Variants in DROSHA observed in about 807,000 individuals in gnomAD.
The protein encoded by DROSHA is ribonuclease 3.
Under a neutral mutation model 181.9 loss-of-function variants are expected in DROSHA, and 56 were observed. That is an observed-to-expected ratio of 0.31 (90% CI 0.25 to 0.38). The LOEUF is 0.38. DROSHA is among the 10% of genes least tolerant of loss of function. The pLI is 1.00. For synonymous variants in DROSHA, 524 were observed against 591.2 expected (o/e 0.89, Z 1.65); for missense variants, 1,218 against 1,743.5 (o/e 0.70, Z 5.37).
rs1483283058 is a variant in DROSHA at position 31,484,876 on chromosome 5, C to T, written c.1996+5G>A. Reference sequence around the variant, plus strand: ...CTACTCTCTTCTTTAAATCCTATTACTTACCTTTAAGATTCCAGTCATATA... The same window carrying T: ...CTACTCTCTTCTTTAAATCCTATTATTTACCTTTAAGATTCCAGTCATATA... On this transcript the variant is annotated splice_donor_5th_base_variant and intron_variant, in intron 15 of 35. Coordinates refer to ENST00000344624, the MANE Select transcript of DROSHA (RefSeq NM_001382508.1). The T allele has an allele frequency of 6.6e-7, 1 of 1,525,584 alleles. No individual in the cohort carries two copies. Among genetic ancestry groups the T allele is most frequent in the African/African-American group, 1.4e-5 (1 of 72,374 alleles). The allele number at this position is 1,525,584 out of a possible 1,614,324, so 94.5% of individuals were successfully genotyped here. A position where few individuals can be genotyped will look rare whatever the true frequency, so the allele number is the denominator to read the frequency against.
chr5:31,441,866 T>G (rs1745635405), intron 23 of DROSHA, among the ~76,000 whole-genome samples: 1 of 152,196 alleles, frequency 6.6e-6, no homozygotes, highest in Non-Finnish European at 1.5e-5. Flanking sequence ...TGCAAAGTAC[T>G]ATACAGAAAA....
intron 23 of DROSHA, among the ~76,000 whole-genome samples, chr5:31,442,999 G>C (rs1745787109): frequency 6.6e-6 from 1 of 151,560 alleles, no homozygotes; most frequent in Admixed American, 6.6e-5. Context: ...TAAATATAGA[G>C]ACATTAACAA....
Position 31,495,319 on chromosome 5 carries a change from G to A in DROSHA, c.1722C>T (p.Tyr574=). 1 of 1,613,878 alleles carries A rather than the reference G, an allele frequency of 6.2e-7. No homozygotes were observed. Among genetic ancestry groups the A allele is most frequent in the Non-Finnish European group, 8.5e-7 (1 of 1,179,826 alleles). ...MTNNAGRLFH[Y]RITVSPPTNF... ...TCGTAGGCGGGGAGACTGTGATCCG[G>A]TAGTGGAAAAGTCTGCCAGCATTGT... Residue 574 remains tyrosine (Y), a synonymous_variant, in exon 12 of 36, where the codon TAC becomes TAT. Coordinates refer to ENST00000344624, the MANE Select transcript of DROSHA (RefSeq NM_001382508.1).
At chr5:31,465,084 C>T (rs1275078428) in intron 19 of DROSHA, among the ~76,000 whole-genome samples, 4 of 152,024 alleles carry the variant, frequency 2.6e-5, no homozygotes, top group South Asian at 2.1e-4. Flanking sequence ...AACGGAGGAA[C>T]ACTTCAGTCA....
intron 20 of DROSHA, among the ~76,000 whole-genome samples, chr5:31,456,816 C>CAGT (rs1411999336): frequency 3.3e-5 from 5 of 152,046 alleles, no homozygotes; most frequent in Non-Finnish European, 7.4e-5. Flanking sequence ...TGCTGGAGTA[C>CAGT]AGTAGTACAA....
intron 33 of DROSHA, among the ~76,000 whole-genome samples, chr5:31,407,469 G>A (rs966843815): frequency 3.9e-5 from 6 of 152,116 alleles, no homozygotes; most frequent in African/African-American, 1.4e-4. Context: ...TCACTTGAAA[G>A]GTACGCTATA....
intron 20 of DROSHA, among the ~76,000 whole-genome samples, chr5:31,461,078 G>A (rs1190980936): frequency 6.6e-6 from 1 of 152,076 alleles, no homozygotes; most frequent in Non-Finnish European, 1.5e-5. Flanking sequence ...ATTTATTAAG[G>A]ACGTAAAAAG....
Position 31,470,706 on chromosome 5 carries a change from G to T in DROSHA, c.2241+1357C>A, listed in dbSNP as rs1386967469. Among the ~76,000 whole-genome samples, 1 of 151,432 alleles carries T rather than the reference G, an allele frequency of 6.6e-6. No homozygotes were observed. Among genetic ancestry groups the T allele is most frequent in the Non-Finnish European group, 1.5e-5 (1 of 67,872 alleles). On this transcript the variant is annotated intron_variant, in intron 17 of 35. Coordinates refer to ENST00000344624, the MANE Select transcript of DROSHA (RefSeq NM_001382508.1). This position sits in a 1 kb window ranked among gnomAD's most constrained non-coding sequence, Gnocchi z 4.0. ...TATCCTTAAGCCAGGGTATCCTTAA[G>T]TTTTTTTTTAAACTCTCCAGCTGAT... is the stretch of plus-strand genomic sequence containing the variant.
intron 23 of DROSHA, among the ~76,000 whole-genome samples, chr5:31,439,191 C>T (rs779745116): frequency 6.6e-6 from 1 of 152,158 alleles, no homozygotes; most frequent in Non-Finnish European, 1.5e-5. Context: ...CCCTGGCCAA[C>T]CACAATCTAA....
At chr5:31,454,963 T>A (rs74695070) in intron 20 of DROSHA, among the ~76,000 whole-genome samples, 1 of 133,986 alleles carries the variant, frequency 7.5e-6, no homozygotes, top group African/African-American at 2.8e-5. Context: ...AAAAAAAAAT[T>A]CCAGAGAAAC....
At chr5:31,499,328 G>C (rs1369965659) in intron 11 of DROSHA, among the ~76,000 whole-genome samples, 1 of 152,158 alleles carries the variant, frequency 6.6e-6, no homozygotes, top group Admixed American at 6.5e-5. Context: ...CTTAGCATCT[G>C]CTTCTAGAGA....
intron 10 of DROSHA, among the ~76,000 whole-genome samples, chr5:31,508,300 A>G (rs1260166868): frequency 1.3e-5 from 2 of 152,202 alleles, no homozygotes; most frequent in Non-Finnish European, 2.9e-5. Flanking sequence ...CAGGTGAACT[A>G]CTTCTAAAAA....
chr5:31,460,377 T>C (rs1013092662), intron 20 of DROSHA, among the ~76,000 whole-genome samples: 10 of 152,172 alleles, frequency 6.6e-5, no homozygotes, highest in African/African-American at 2.2e-4. Context: ...GGGCACCAGG[T>C]AGAATTTTCT....
chr5:31,510,566 C>T (rs187101373), intron 9 of DROSHA, among the ~76,000 whole-genome samples: 62 of 152,354 alleles, frequency 4.1e-4, no homozygotes, highest in African/African-American at 1.3e-3. Context: ...TCAGAACATA[C>T]ACATGAAAAA....
chr5:31,401,192 G>A lies in DROSHA; in HGVS notation c.*240C>T. On this transcript the variant is annotated 3_prime_UTR_variant, in exon 36 of 36. Coordinates refer to ENST00000344624, the MANE Select transcript of DROSHA (RefSeq NM_001382508.1). ...TTATTATTTAAAGAGCAAAATAAAA[G>A]GAAGTAATGCACATTCACCAAAGTC... 2.3e-6 allele frequency: 1 copy of A among 436,684 alleles called. No homozygotes were observed. Among genetic ancestry groups the A allele is most frequent in the Non-Finnish European group, 4.2e-6 (1 of 237,806 alleles). 27.1% of individuals were successfully genotyped at this position (436,684 alleles called of 1,614,324 possible). A position where few individuals can be genotyped will look rare whatever the true frequency, so the allele number is the denominator to read the frequency against.
At chr5:31,424,006 G>A (rs1016793608) in intron 28 of DROSHA, among the ~76,000 whole-genome samples, 5 of 152,224 alleles carry the variant, frequency 3.3e-5, no homozygotes, top group South Asian at 2.1e-4. Context: ...TAGATCATAC[G>A]TTAACAATGT....
rs1298754622 is a variant in DROSHA, at chr5:31,504,597, T to C, written c.1626A>G (p.Ala542=). The change falls in exon 11 of 36, where the codon GCA becomes GCG. Residue 542 remains alanine, a synonymous_variant. Coordinates refer to ENST00000344624, the MANE Select transcript of DROSHA (RefSeq NM_001382508.1). ...TGCTGTGCCTAATTCCTGTGCGTCTTGCCTTTGCGCTGCATTTGCAGAGTG... is the reference window on the plus strand; with the variant it reads ...TGCTGTGCCTAATTCCTGTGCGTCTCGCCTTTGCGCTGCATTTGCAGAGTG... The part of the protein sequence containing the change: ...DGPLCKCSAK[A]RRTGIRHSIY... 6.2e-7 allele frequency: 1 copy of C among 1,614,014 alleles called. No homozygotes were observed. Among genetic ancestry groups the C allele is most frequent in the East Asian group, 2.2e-5 (1 of 44,888 alleles).
chr5:31,453,408 C>T (rs7736967), intron 20 of DROSHA, among the ~76,000 whole-genome samples: 4,085 of 152,168 alleles, frequency 0.027, 177 homozygotes, highest in African/African-American at 0.094. Context: ...CGCCATGTTG[C>T]CCAGGTTGGT....
chr5:31,455,329 G>A (rs571458675), intron 20 of DROSHA, among the ~76,000 whole-genome samples: 1 of 151,876 alleles, frequency 6.6e-6, no homozygotes, highest in Non-Finnish European at 1.5e-5. Flanking sequence ...TGAAGAATTC[G>A]AGAGAACATG....
Sources: gnomAD v4.1 joint callset for allele counts (sites outside exome capture counted in the v4.1 genomes callset) on GRCh38, gnomAD v4.1.1 for gene constraint, Gnocchi (gnomAD v3.1) non-coding constraint, MANE v1.5 for transcripts, NCBI Gene and HGNC (gene_info 2026-07-23, HGNC 2026-07-21) for gene names.